Variants in NPAS3 observed in about 807,000 individuals in gnomAD.
NPAS3 encodes the protein neuronal PAS domain protein 3.
NPAS3 carries 14 observed loss-of-function variants against 73.1 expected under a neutral mutation model. The ratio of observed to expected loss-of-function variants is 0.19; its 90% CI spans 0.13 to 0.30. The LOEUF is 0.30. Among genes scored for constraint, NPAS3 ranks in the 10% least tolerant of loss-of-function variants. NPAS3 has a pLI of 1.00. For missense variants in NPAS3, 1,096 were observed against 1,250.0 expected (o/e 0.88, Z 1.86); for synonymous variants, 620 against 541.5 (o/e 1.14, Z -2.01).
At chr14:33,230,236 A>G (rs576507299) in intron 3 of NPAS3, among the ~76,000 whole-genome samples, 35 of 152,320 alleles carry the variant, frequency 2.3e-4, no homozygotes, top group African/African-American at 7.9e-4. Flanking sequence ...CGTTTACACA[A>G]CCAGCGCCAA....
At chr14:33,054,534 CACTT>C (rs760788744) in intron 1 of NPAS3, among the ~76,000 whole-genome samples, 36 of 151,618 alleles carry the variant, frequency 2.4e-4, no homozygotes, top group Non-Finnish European at 2.1e-4. Context: ...AAAGTATTGT[CACTT>C]AATATGTTGG....
At chr14:33,301,885 A>T (rs963569079) in intron 3 of NPAS3, among the ~76,000 whole-genome samples, 2 of 152,158 alleles carry the variant, frequency 1.3e-5, no homozygotes, top group Non-Finnish European at 2.9e-5. Context: ...TAACTTCCTT[A>T]TAACTCTACA....
intron 5 of NPAS3, among the ~76,000 whole-genome samples, chr14:33,650,863 A>T (rs985530829): frequency 6.6e-6 from 1 of 152,138 alleles, no homozygotes; most frequent in African/African-American, 2.4e-5. Flanking sequence ...TCCTTGTTGC[A>T]GGAGCAGGAG....
chr14:32,948,845 T>G (rs2036370666), intron 1 of NPAS3, among the ~76,000 whole-genome samples: 1 of 152,098 alleles, frequency 6.6e-6, no homozygotes, highest in African/African-American at 2.4e-5. Context: ...TTCCAGACTT[T>G]GAGAAAAATG....
upstream of NPAS3, chr14:32,935,100 C>A: frequency 1.7e-6 from 1 of 599,956 alleles, no homozygotes; most frequent in African/African-American, 2.0e-5. Context: ...AACACACATG[C>A]ACATTGCCAG....
chr14:32,939,283 CA>C, upstream of NPAS3: 1 of 601,158 alleles, frequency 1.7e-6, no homozygotes, highest in Non-Finnish European at 3.0e-6. Flanking sequence ...GGGAGAGAGG[CA>C]AAAAGTAAGA....
chr14:33,798,589 T>G (rs2063582557), intron 11 of NPAS3, among the ~76,000 whole-genome samples: 1 of 152,122 alleles, frequency 6.6e-6, no homozygotes, highest in African/African-American at 2.4e-5. Flanking sequence ...TGCTCCAGCA[T>G]TGTAAACATG....
At chr14:33,120,891 A>G (rs530899421) in intron 2 of NPAS3, among the ~76,000 whole-genome samples, 16 of 152,138 alleles carry the variant, frequency 1.1e-4, no homozygotes, top group African/African-American at 3.6e-4. Flanking sequence ...CACTATTTTC[A>G]TTCTTCTTTT....
At chr14:33,105,345 G>C (rs1595457879) in intron 2 of NPAS3, among the ~76,000 whole-genome samples, 1 of 152,250 alleles carries the variant, frequency 6.6e-6, no homozygotes, top group Non-Finnish European at 1.5e-5. Context: ...AGAAAACTGA[G>C]TAAGATAAAT....
intron 2 of NPAS3, among the ~76,000 whole-genome samples, chr14:33,124,297 G>T (rs1213175846): frequency 6.6e-6 from 1 of 152,144 alleles, no homozygotes; most frequent in African/African-American, 2.4e-5. Context: ...GAGAAAGGGT[G>T]AGTTGTCTTT....
intron 3 of NPAS3, among the ~76,000 whole-genome samples, chr14:33,309,729 A>G (rs528171527): frequency 6.6e-6 from 1 of 152,316 alleles, no homozygotes. Context: ...TTATTGCTTA[A>G]TTTTTAAAAT....
At chr14:33,757,830 A>G (rs1369425291) in intron 7 of NPAS3, among the ~76,000 whole-genome samples, 2 of 152,162 alleles carry the variant, frequency 1.3e-5, no homozygotes, top group Non-Finnish European at 2.9e-5. Flanking sequence ...AACCAGTTGG[A>G]CACTAGTCCT....
intron 3 of NPAS3, among the ~76,000 whole-genome samples, chr14:33,290,554 T>C (rs967328988): frequency 6.6e-6 from 1 of 152,224 alleles, no homozygotes; most frequent in Admixed American, 6.5e-5. Context: ...GTTAACAAAA[T>C]ATGCCCCAGT....
intron 6 of NPAS3, among the ~76,000 whole-genome samples, chr14:33,701,830 ATTTG>A (rs2060530692): frequency 6.6e-6 from 1 of 152,238 alleles, no homozygotes; most frequent in Middle Eastern, 3.4e-3. Flanking sequence ...TCATTGGTTC[ATTTG>A]TTTATTTAAC....
At chr14:33,177,071 TTTA>T (rs58286290) in intron 2 of NPAS3, among the ~76,000 whole-genome samples, 9,858 of 138,210 alleles carry the variant, frequency 0.071, 417 homozygotes, top group Admixed American at 0.11. Context: ...TGTTTATCTT[TTTA>T]TTATTATTAT....
chr14:33,643,156 T>C (rs540313429), intron 5 of NPAS3, among the ~76,000 whole-genome samples: 1 of 152,154 alleles, frequency 6.6e-6, no homozygotes. Context: ...TTTGATTTAG[T>C]GGTCACATTA....
intron 4 of NPAS3, among the ~76,000 whole-genome samples, chr14:33,423,358 AT>A (rs2048430699): frequency 6.6e-6 from 1 of 151,994 alleles, no homozygotes; most frequent in African/African-American, 2.4e-5. Flanking sequence ...CTACAGGGAC[AT>A]GTGAGATGTA....
At chr14:33,681,769 G>A (rs572220381) in intron 6 of NPAS3, among the ~76,000 whole-genome samples, 87 of 152,188 alleles carry the variant, frequency 5.7e-4, no homozygotes, top group African/African-American at 2.0e-3. Flanking sequence ...TACATAAATA[G>A]GGCTCAAAAT....
chr14:33,360,629 C>T (rs1302445976), intron 3 of NPAS3, among the ~76,000 whole-genome samples: 2 of 152,202 alleles, frequency 1.3e-5, no homozygotes, highest in African/African-American at 4.8e-5. Flanking sequence ...ACTAAAGTCC[C>T]ACCCCCCAAA....
Sources: gnomAD v4.1 joint callset for allele counts (sites outside exome capture counted in the v4.1 genomes callset) on GRCh38, gnomAD v4.1.1 for gene constraint, MANE v1.5 for transcripts, NCBI Gene and HGNC (gene_info 2026-07-23, HGNC 2026-07-21) for gene names.